Variants in FBXL7 observed in about 807,000 individuals in gnomAD.
FBXL7 encodes F-box/LRR-repeat protein 7.
FBXL7 carries 12 observed loss-of-function variants against 38.3 expected under a neutral mutation model. The ratio of observed to expected loss-of-function variants is 0.31; its 90% confidence interval spans 0.20 to 0.51. FBXL7 has a LOEUF of 0.51. FBXL7 is among the 20% of genes least tolerant of loss of function. The pLI is 0.98. For missense variants in FBXL7, 567 were observed against 676.4 expected (o/e 0.84, Z 1.79); for synonymous variants, 297 against 300.9 (o/e 0.99, Z 0.13).
At chr5:15,703,181 A>T (rs1743582985) in intron 2 of FBXL7, among the ~76,000 whole-genome samples, 1 of 152,190 alleles carries the variant, frequency 6.6e-6, no homozygotes. Context: ...CAAATGCTAA[A>T]TTTGGAGTAA....
chr5:15,655,127 C>T (rs1314255547), intron 2 of FBXL7, among the ~76,000 whole-genome samples: 1 of 152,180 alleles, frequency 6.6e-6, no homozygotes, highest in Non-Finnish European at 1.5e-5. Context: ...TTTGAACATC[C>T]TTGTGTCTAC....
At position 15,765,125 on chromosome 5, in the gene FBXL7, A is replaced by T. The variant is rs550543475; in HGVS notation, c.127+149053A>T. 3.9e-5 allele frequency among the ~76,000 whole-genome samples: 6 copies of T among 152,214 alleles called. No individual in the cohort carries two copies. The East Asian group carries it at 1.2e-3, about 29-fold the overall frequency. On this transcript the variant is annotated intron_variant, in intron 2 of 3. Transcript: ENST00000504595. ...TACTGTTCTCTAACACCAATTTTTC[A>T]AAAAATGTTCATCTGTAAAAACCCT...
intron 1 of FBXL7, among the ~76,000 whole-genome samples, chr5:15,572,309 G>T (rs907747733): frequency 6.6e-6 from 1 of 150,862 alleles, no homozygotes; most frequent in African/African-American, 2.4e-5. Flanking sequence ...TCTTTTGGTG[G>T]TTTAAAATGT....
chr5:15,543,941 G>A (rs1737828660), intron 1 of FBXL7, among the ~76,000 whole-genome samples: 1 of 152,148 alleles, frequency 6.6e-6, no homozygotes, highest in African/African-American at 2.4e-5. Flanking sequence ...TCCGGAGGTG[G>A]GACTGGGGCA....
At chr5:15,644,399 C>T (rs1270376622) in intron 2 of FBXL7, among the ~76,000 whole-genome samples, 12 of 151,710 alleles carry the variant, frequency 7.9e-5, no homozygotes, top group East Asian at 2.0e-4. Flanking sequence ...CACTTGAACC[C>T]GGGAGGCAGA....
intron 2 of FBXL7, among the ~76,000 whole-genome samples, chr5:15,850,506 G>A (rs185255238): frequency 1.3e-5 from 2 of 152,182 alleles, no homozygotes; most frequent in Non-Finnish European, 2.9e-5. Context: ...CTTTATCCAT[G>A]TCATTTACAG....
intron 2 of FBXL7, among the ~76,000 whole-genome samples, chr5:15,876,530 G>A (rs1740215297): frequency 6.6e-6 from 1 of 152,134 alleles, no homozygotes; most frequent in South Asian, 2.1e-4. Context: ...CTCAGTAAGG[G>A]CATTGCTTTT....
intron 2 of FBXL7, 102 bp from the exon 3 acceptor site, chr5:15,927,788 G>GAAA (rs1741919823): frequency 4.2e-6 from 2 of 481,374 alleles, no homozygotes; most frequent in Admixed American, 6.0e-5. Context: ...AAAAAAAAAA[G>GAAA]AAGAAGAAAG....
At chr5:15,592,537 C>T (rs1052128575) in intron 1 of FBXL7, among the ~76,000 whole-genome samples, 2 of 152,162 alleles carry the variant, frequency 1.3e-5, no homozygotes, top group African/African-American at 4.8e-5. Flanking sequence ...CTGACACCTA[C>T]ACTATTTTGC....
At chr5:15,702,576 T>C (rs949022396) in intron 2 of FBXL7, among the ~76,000 whole-genome samples, 4 of 152,160 alleles carry the variant, frequency 2.6e-5, no homozygotes, top group Non-Finnish European at 5.9e-5. Flanking sequence ...AATATATTTT[T>C]TCAATAGGTT....
intron 2 of FBXL7, among the ~76,000 whole-genome samples, chr5:15,879,345 G>A (rs997270957): frequency 2.0e-5 from 3 of 152,108 alleles, no homozygotes; most frequent in African/African-American, 7.2e-5. Context: ...CGCCAGGATA[G>A]CCTCTGCTTG....
chr5:15,861,705 C>T lies in FBXL7; in HGVS notation c.128-66185C>T, dbSNP rs563139683. Among the ~76,000 whole-genome samples the T allele has an allele frequency of 2.0e-5, 3 of 152,282 alleles. No homozygotes were observed. The East Asian group carries it at 5.8e-4, about 29-fold the overall frequency. On this transcript the variant is annotated intron_variant, in intron 2 of 3. Coordinates refer to ENST00000504595, the MANE Select transcript of FBXL7 (RefSeq NM_012304.5). ...TGGTAGCATAGTCCTATTAACATAA[C>T]CAGCCCTGCTGGTGTCCTGAAGTCG...
intron 2 of FBXL7, among the ~76,000 whole-genome samples, chr5:15,674,804 G>T (rs1742599344): frequency 6.6e-6 from 1 of 152,202 alleles, no homozygotes; most frequent in Non-Finnish European, 1.5e-5. Context: ...GTGTTTCCCT[G>T]TGTTATCAGA....
At chr5:15,677,421 C>G (rs373202569) in intron 2 of FBXL7, among the ~76,000 whole-genome samples, 1 of 151,258 alleles carries the variant, frequency 6.6e-6, no homozygotes, top group Non-Finnish European at 1.5e-5. Context: ...AAGCCAAGAT[C>G]GCACCATTGC....
At chr5:15,779,837 CA>C (rs1305384842) in intron 2 of FBXL7, among the ~76,000 whole-genome samples, 6 of 152,238 alleles carry the variant, frequency 3.9e-5, no homozygotes, top group Non-Finnish European at 7.4e-5. Context: ...CACTTTATTT[CA>C]AAAAGCAATT....
chr5:15,923,950 C>G (rs115066960), intron 2 of FBXL7, among the ~76,000 whole-genome samples: 544 of 152,124 alleles, frequency 3.6e-3, no homozygotes, highest in African/African-American at 0.012. Context: ...CCTAGGCAGG[C>G]AGGAGAGGGA....
chr5:15,928,115 C>T lies in FBXL7; in HGVS notation c.353C>T (p.Pro118Leu). 5.0e-6 allele frequency: 8 copies of T among 1,611,852 alleles called. No homozygotes were observed. Among genetic ancestry groups the T allele is most frequent in the East Asian group, 2.2e-5 (1 of 44,730 alleles). Residue 118 changes from proline to leucine, a missense_variant, in exon 3 of 4, where the codon CCG becomes CTG. Coordinates refer to ENST00000504595, the MANE Select transcript of FBXL7 (RefSeq NM_012304.5). This position sits in a 1 kb window ranked among gnomAD's most constrained non-coding sequence, Gnocchi z 4.0. ...QKEQASIDRL[P>L]DHSMVQIFSF... ...GAGCAGGCCAGCATAGACCGGCTCCCGGACCACTCCATGGTGCAGATCTTC... is the reference window on the plus strand; with the variant it reads ...GAGCAGGCCAGCATAGACCGGCTCCTGGACCACTCCATGGTGCAGATCTTC...
chr5:15,516,837 A>G (rs900266210), intron 1 of FBXL7, among the ~76,000 whole-genome samples: 3 of 152,008 alleles, frequency 2.0e-5, no homozygotes, highest in Admixed American at 1.3e-4. Context: ...CATGTGAGGA[A>G]GGACGCATTT....
chr5:15,762,389 G>A (rs1736471911), intron 2 of FBXL7, among the ~76,000 whole-genome samples: 1 of 152,164 alleles, frequency 6.6e-6, no homozygotes, highest in Non-Finnish European at 1.5e-5. Flanking sequence ...TAGGGTGGGG[G>A]AATGCCTGGG....
Sources: gnomAD v4.1 joint callset for allele counts (sites outside exome capture counted in the v4.1 genomes callset) on GRCh38, gnomAD v4.1.1 for gene constraint, Gnocchi (gnomAD v3.1) non-coding constraint, MANE v1.5 for transcripts, NCBI Gene and HGNC (gene_info 2026-07-23, HGNC 2026-07-21) for gene names.